CC2D1B: variants seen among roughly 807,000 people sequenced by gnomAD.
The protein encoded by CC2D1B is coiled-coil and C2 domain-containing protein 1B.
Under a neutral mutation model 110.8 loss-of-function variants are expected in CC2D1B, and 92 were observed. The observed-to-expected ratio is 0.83, with a 90% confidence interval of 0.70 to 0.99. The LOEUF is 0.99. CC2D1B is among the 50% of genes least tolerant of loss of function. The pLI, the probability that CC2D1B is intolerant of heterozygous loss-of-function variation, is 0.00. For missense variants in CC2D1B, 1,136 were observed against 1,089.0 expected (o/e 1.04, Z -0.61); for synonymous variants, 406 against 429.2 (o/e 0.95, Z 0.67).
chr1:52,359,047 T>G lies in CC2D1B; in HGVS notation c.1237A>C (p.Met413Leu), dbSNP rs1302090744. ...RSGGDERKAR[M>L]HERIAKQYQD... ...CCCACCTTGGCAATGCGCTCATGCA[T>G]CCGAGCCTTGCGCTCGTCCCCACCA... Residue 413 changes from methionine to leucine, a missense_variant, in exon 11 of 25, where the codon ATG (methionine) becomes CTG (leucine). Transcript: ENST00000284376. 18 of 1,607,316 alleles carry G rather than the reference T, an allele frequency of 1.1e-5. No homozygotes were observed. The highest frequency in any genetic ancestry group is 1.4e-5 in the Non-Finnish European group (17 of 1,179,976).
chr1:52,361,631 T>G lies in CC2D1B; in HGVS notation c.215-15A>C. On this transcript the variant is annotated splice_polypyrimidine_tract_variant and intron_variant, in intron 3 of 24. Coordinates refer to ENST00000284376, the MANE Select transcript of CC2D1B (RefSeq NM_001330585.2). ...GGGCAGGGGGGCTGGGGGAAAAAGG[T>G]CACAACAAGTCAGCACAACTCAGAT... is the stretch of plus-strand genomic sequence containing the variant. 6.2e-7 allele frequency: 1 copy of G among 1,613,344 alleles called. No individual in the cohort carries two copies. The highest frequency in any genetic ancestry group is 8.5e-7 in the Non-Finnish European group (1 of 1,179,940).
intron 12 of CC2D1B, 37 bp downstream of exon 12, chr1:52,358,649 A>G (rs1490104579): frequency 6.2e-7 from 1 of 1,601,722 alleles, no homozygotes; most frequent in Non-Finnish European, 8.5e-7. Context: ...CCCAGGGACC[A>G]CCTCCTCACA....
In CC2D1B at chr1:52,351,101, CCTA is replaced by C. The variant is rs1157319658; in HGVS notation, c.*2121_*2123del. The C allele has an allele frequency of 4.6e-5, 7 of 152,202 alleles. No individual in the cohort carries two copies. The highest frequency in any genetic ancestry group is 1.7e-4 in the African/African-American group (7 of 41,450). The allele number at this position is 152,202 out of a possible 1,614,324, so 9.4% of individuals were successfully genotyped here. On this transcript the variant is annotated 3_prime_UTR_variant, in exon 25 of 25. Transcript: ENST00000284376. ...CAAGATGAAGCTGGGACAGGCTCCTCCTACTACCAGTGACGCATGCATGCCTTT... is the reference window on the plus strand; with the variant it reads ...CAAGATGAAGCTGGGACAGGCTCCTCCTACCAGTGACGCATGCATGCCTTT...
Position 52,357,581 on chromosome 1 carries a change from C to T in CC2D1B, c.1697G>A (p.Trp566Ter). The change falls in exon 15 of 25, where the codon TGG (tryptophan) becomes TAG (stop). Residue 566 changes from tryptophan (W) to a stop codon, truncating the protein, a stop_gained. Transcript: ENST00000284376. LOFTEE classifies it high-confidence loss of function. ...GGCCTGGATGATCTGAGCCTCAAGC[C>T]ATTTGGCTACCCGCAGATAGGCTTT... The part of the protein sequence containing the change: ...QAKAYLRVAK[W>*]LEAQIIQARS... 6.3e-7 allele frequency: 1 copy of T among 1,585,442 alleles called. No homozygotes were observed. The highest frequency in any genetic ancestry group is 8.6e-7 in the Non-Finnish European group (1 of 1,164,494).
At chr1:52,356,628 T>G (rs1244219553) in intron 16 of CC2D1B, 186 bp from the exon 17 acceptor site, 4 of 653,880 alleles carry the variant, frequency 6.1e-6, no homozygotes, top group Non-Finnish European at 1.0e-5. Context: ...TTTGTCATTT[T>G]CTCTTCTGAG....
rs760482574 is a variant in CC2D1B at position 52,353,221 on chromosome 1, C to T, written c.*4G>A. ...TGACTCCTCTCCTGGTGCTGGCCAT[C>T]GGCTACACAGGGGTGCAAAGCACAA... is the stretch of plus-strand genomic sequence containing the variant. On this transcript the variant is annotated splice_region_variant and 3_prime_UTR_variant, in exon 25 of 25. Transcript: ENST00000284376. 6.6e-6 allele frequency: 9 copies of T among 1,358,728 alleles called. No individual in the cohort carries two copies. Among genetic ancestry groups the T allele is most frequent in the Non-Finnish European group, 8.8e-6 (9 of 1,025,348 alleles). 84.2% of individuals were successfully genotyped at this position (1,358,728 alleles called of 1,614,324 possible). A position where few individuals can be genotyped will look rare whatever the true frequency, so the allele number is the denominator to read the frequency against.
Position 52,362,604 on chromosome 1 carries a change from T to C in CC2D1B, c.212A>G (p.Gln71Arg). ...ACCAGCCCTGTGTCCAAACTCACCC[T>C]GCCCCTTGGGTGCTGGCTTCTTGCC... ...TTGKKPAPKGQAPLPMAHIEK... is the reference protein window; with the variant it reads ...TTGKKPAPKGRAPLPMAHIEK... The change falls in exon 3 of 25, where the codon CAG becomes CGG. Residue 71 changes from glutamine to arginine, a missense_variant and splice_region_variant. Gln to Arg is a conservative substitution (Grantham distance 43). Coordinates refer to ENST00000284376, the MANE Select transcript of CC2D1B (RefSeq NM_001330585.2). The C allele has an allele frequency of 6.2e-7, 1 of 1,614,192 alleles. No homozygotes were observed.
Position 52,359,733 on chromosome 1 carries a change from C to A in CC2D1B, c.914G>T (p.Arg305Leu), listed in dbSNP as rs148868857. Reference sequence around the variant, plus strand: ...CCCAATCCTCATGAGCTCTCGGGCACGGTCTAGCTCTCCAGCCCGCTTGGC... The same window carrying A: ...CCCAATCCTCATGAGCTCTCGGGCAAGGTCTAGCTCTCCAGCCCGCTTGGC... Reference protein sequence around the residue: ...LSAKRAGELDRARELMRIGKR... With the variant: ...LSAKRAGELDLARELMRIGKR... The change falls in exon 8 of 25, where the codon CGT (arginine) becomes CTT (leucine). Residue 305 changes from arginine to leucine, a missense_variant. By Grantham distance (102) the Arg-to-Leu change is moderately radical. Coordinates refer to ENST00000284376, the MANE Select transcript of CC2D1B (RefSeq NM_001330585.2). 2 of 1,607,646 alleles carry A rather than the reference C, an allele frequency of 1.2e-6. No homozygotes were observed. Among genetic ancestry groups the A allele is most frequent in the Non-Finnish European group, 1.7e-6 (2 of 1,177,178 alleles).
chr1:52,361,881 C>G (rs1425651124), intron 3 of CC2D1B, among the ~76,000 whole-genome samples: 1 of 152,270 alleles, frequency 6.6e-6, no homozygotes, highest in Admixed American at 6.5e-5. Flanking sequence ...CATCCACTCT[C>G]TCCAACCTCC....
At chr1:52,362,574 C>G (rs1646805939) in intron 3 of CC2D1B, 28 bp downstream of exon 3, 2 of 1,613,798 alleles carry the variant, frequency 1.2e-6, no homozygotes, top group Non-Finnish European at 1.7e-6. Flanking sequence ...TGTCCCAGCA[C>G]CAAGACCAGC....
chr1:52,359,156 C>G lies in CC2D1B; in HGVS notation c.1128G>C (p.Val376=). Residue 376 remains valine, a splice_region_variant and synonymous_variant, in exon 11 of 25, where the codon GTG becomes GTC. Transcript: ENST00000284376. ...VMAPDVPATP[V]APTESQTVLD... ...GCACTGTCTGTGACTCTGTAGGGGC[C>G]ACTTGAAGGAAAGAAGGAAGAAGTG... The G allele has an allele frequency of 6.2e-7, 1 of 1,609,836 alleles. No individual in the cohort carries two copies. Among genetic ancestry groups the G allele is most frequent in the South Asian group, 1.1e-5 (1 of 91,056 alleles).
chr1:52,353,930 T>A, intron 23 of CC2D1B: 1 of 328,864 alleles, frequency 3.0e-6, no homozygotes, highest in Non-Finnish European at 5.6e-6. Flanking sequence ...GAAGAAACAT[T>A]GGCTTGAAGA....
chr1:52,356,374 T>C lies in CC2D1B; in HGVS notation c.1937+10A>G, dbSNP rs199822659. 2 of 1,614,052 alleles carry C rather than the reference T, an allele frequency of 1.2e-6. No individual in the cohort carries two copies. The highest frequency in any genetic ancestry group is 1.7e-6 in the Non-Finnish European group (2 of 1,180,006). On this transcript the variant is annotated intron_variant, in intron 17 of 24. Transcript: ENST00000284376. ...CACCCTATGAGCCCAGCCCCAGCCCTTGCACTTACCGGGTGGTCTCAGCCA... is the reference window on the plus strand; with the variant it reads ...CACCCTATGAGCCCAGCCCCAGCCCCTGCACTTACCGGGTGGTCTCAGCCA...
rs1475701055 is a variant in CC2D1B, at chr1:52,359,369, A to C, written c.1019-12T>G. 1 of 1,613,554 alleles carries C rather than the reference A, an allele frequency of 6.2e-7. No individual in the cohort carries two copies. Among genetic ancestry groups the C allele is most frequent in the South Asian group, 1.1e-5 (1 of 91,030 alleles). On this transcript the variant is annotated splice_polypyrimidine_tract_variant and intron_variant, in intron 9 of 24. Coordinates refer to ENST00000284376, the MANE Select transcript of CC2D1B (RefSeq NM_001330585.2). ...CTGGGGCTTCAGATCTGGGGGACCC[A>C]GAGTAGAGGTGTAGGTGGGAGGGCC...
chr1:52,359,833 C>G lies in CC2D1B; in HGVS notation c.814G>C (p.Val272Leu). The G allele has an allele frequency of 6.2e-7, 1 of 1,611,936 alleles. No individual in the cohort carries two copies. Among genetic ancestry groups the G allele is most frequent in the Non-Finnish European group, 8.5e-7 (1 of 1,179,060 alleles). The change falls in exon 8 of 25, where the codon GTT becomes CTT. Residue 272 changes from valine to leucine, a missense_variant. Physicochemically the swap from Val to Leu is conservative, Grantham distance 32. Coordinates refer to ENST00000284376, the MANE Select transcript of CC2D1B (RefSeq NM_001330585.2). ...CGCGGGTCTGGGTCTAAGTCTGAAA[C>G]GGGCTGGGCAGAAATGCCAGGGAGG... ...TSLPGISAQP[V>L]SDLDPDPRAL...
At chr1:52,354,461 A>C (rs769290817) in intron 23 of CC2D1B, 147 bp downstream of exon 23, 1 of 780,588 alleles carries the variant, frequency 1.3e-6, no homozygotes, top group East Asian at 2.5e-5. Flanking sequence ...CCATCTGTGA[A>C]ATGAGGATTC....
chr1:52,355,714 T>C (rs1031965686), intron 19 of CC2D1B, 48 bp from the exon 20 acceptor site: 1 of 1,613,490 alleles, frequency 6.2e-7, no homozygotes, highest in Non-Finnish European at 8.5e-7. Context: ...GCCAGGAGCC[T>C]AGCACTTGGA....
At chr1:52,364,482 GTTTGCCTAA>G in intron 2 of CC2D1B, 61 bp downstream of exon 2, 1 of 981,540 alleles carries the variant, frequency 1.0e-6, no homozygotes, top group Non-Finnish European at 1.5e-6. Flanking sequence ...ATGTGATCCA[GTTTGCCTAA>G]GTTGTCTAGG....
intron 19 of CC2D1B, 38 bp downstream of exon 19, chr1:52,355,733 G>A: frequency 2.5e-6 from 4 of 1,613,632 alleles, no homozygotes; most frequent in Non-Finnish European, 3.4e-6. Flanking sequence ...GAGTGTCCGG[G>A]CAAGAGCCTC....
Sources: allele counts gnomAD v4.1 joint callset (sites outside exome capture counted in the v4.1 genomes callset), GRCh38; gene constraint gnomAD v4.1.1; transcripts MANE v1.5; gene names NCBI Gene and HGNC (gene_info 2026-07-23, HGNC 2026-07-21).